RGS17: variants seen among roughly 807,000 people sequenced by gnomAD.
The protein encoded by RGS17 is regulator of G protein signaling 17.
In RGS17, 12 loss-of-function variants were observed where a neutral mutation model predicts 25.5. The ratio of observed to expected loss-of-function variants is 0.47; its 90% CI spans 0.30 to 0.76. RGS17 has a LOEUF of 0.76. RGS17 is among the 30% of genes least tolerant of loss of function. The pLI, the probability that RGS17 is intolerant of heterozygous loss-of-function variation, is 0.07. For synonymous variants in RGS17, 71 were observed against 76.9 expected (o/e 0.92, Z 0.40); for missense variants, 196 against 242.2 (o/e 0.81, Z 1.27).
intron 2 of RGS17, among the ~76,000 whole-genome samples, chr6:153,032,797 ATACTT>A (rs3839481): frequency 0.51 from 77,698 of 151,658 alleles, 20,200 homozygotes; most frequent in East Asian, 0.75. Flanking sequence ...TGATTTGGGA[ATACTT>A]TAGTCTTAAA....
chr6:153,109,339 A>G (rs1422035959), intron 1 of RGS17, among the ~76,000 whole-genome samples: 2 of 152,116 alleles, frequency 1.3e-5, no homozygotes, highest in African/African-American at 4.8e-5. Context: ...TGAGGCAATT[A>G]TTTTTCCTTT....
intron 1 of RGS17, among the ~76,000 whole-genome samples, chr6:153,126,515 C>T (rs2129127760): frequency 6.6e-6 from 1 of 152,214 alleles, no homozygotes; most frequent in East Asian, 1.9e-4. Context: ...TTAATATTAG[C>T]ACTCAAACAA....
intron 1 of RGS17, among the ~76,000 whole-genome samples, chr6:153,083,970 G>T (rs751806738): frequency 2.0e-5 from 3 of 152,150 alleles, no homozygotes; most frequent in Non-Finnish European, 4.4e-5. Context: ...AGGAATATTT[G>T]CAGTATTGAT....
intron 1 of RGS17, among the ~76,000 whole-genome samples, chr6:153,060,310 A>C (rs934393055): frequency 2.6e-5 from 4 of 152,250 alleles, no homozygotes; most frequent in Middle Eastern, 3.4e-3. Flanking sequence ...AGTTGTATTT[A>C]TGTACAAGCT....
At position 153,065,970 on chromosome 6, in the gene RGS17, A is replaced by T. The variant is rs948120817; in HGVS notation, c.-25-21927T>A. Among the ~76,000 whole-genome samples the T allele has an allele frequency of 1.1e-4, 16 of 152,102 alleles. 1 individual carries two copies. The highest frequency in any genetic ancestry group is 9.8e-4 in the Admixed American group (15 of 15,284). The stretch of plus-strand genomic sequence containing the variant: ...ATGAATTTGAAATGAGGAAAACAAT[A>T]AAAAAAGATCACTGAAACAAAAATT... On this transcript the variant is annotated intron_variant, in intron 1 of 4. Transcript: ENST00000206262.
intron 1 of RGS17, among the ~76,000 whole-genome samples, chr6:153,123,057 T>C (rs1584168841): frequency 7.5e-6 from 1 of 133,372 alleles, no homozygotes; most frequent in Non-Finnish European, 1.6e-5. Flanking sequence ...AATTGGAGTA[T>C]TTAATACTCC....
intron 2 of RGS17, among the ~76,000 whole-genome samples, chr6:153,040,851 A>G (rs1776312852): frequency 6.6e-6 from 1 of 152,098 alleles, no homozygotes; most frequent in Non-Finnish European, 1.5e-5. Flanking sequence ...TTTAACTTTT[A>G]TCCTTTTAAA....
chr6:153,012,415 T>C (rs503366), intron 4 of RGS17, among the ~76,000 whole-genome samples: 72,432 of 151,960 alleles, frequency 0.48, 17,369 homozygotes, highest in Middle Eastern at 0.52. Flanking sequence ...AGAGGAGAAA[T>C]AGGAATAGGA....
intron 1 of RGS17, among the ~76,000 whole-genome samples, chr6:153,092,064 T>G (rs1221316011): frequency 6.6e-6 from 1 of 152,200 alleles, no homozygotes; most frequent in Non-Finnish European, 1.5e-5. Flanking sequence ...TTTACCACTA[T>G]ATTTATTACT....
chr6:153,076,980 GAAA>G (rs199847483), intron 1 of RGS17, among the ~76,000 whole-genome samples: 1 of 151,818 alleles, frequency 6.6e-6, no homozygotes. Flanking sequence ...AGTTATAAGG[GAAA>G]AAAATGTACT....
chr6:153,060,747 CTAA>C (rs1776624045), intron 1 of RGS17, among the ~76,000 whole-genome samples: 1 of 151,366 alleles, frequency 6.6e-6, no homozygotes, highest in African/African-American at 2.4e-5. Flanking sequence ...TCGGTGCCTA[CTAA>C]TGTTTGTGTA....
intron 2 of RGS17, among the ~76,000 whole-genome samples, chr6:153,037,856 C>A (rs1776270608): frequency 6.6e-6 from 1 of 151,942 alleles, no homozygotes; most frequent in Non-Finnish European, 1.5e-5. Context: ...AAGGTATTAA[C>A]CTAAAAAACA....
chr6:153,039,292 A>G (rs1776291661), intron 2 of RGS17, among the ~76,000 whole-genome samples: 1 of 152,134 alleles, frequency 6.6e-6, no homozygotes, highest in African/African-American at 2.4e-5. Context: ...TAGACACAAC[A>G]TTTTCCAAAC....
At chr6:153,071,217 CATAGAT>C (rs536315246) in intron 1 of RGS17, among the ~76,000 whole-genome samples, 180 of 150,686 alleles carry the variant, frequency 1.2e-3, no homozygotes, top group African/African-American at 3.9e-3. Flanking sequence ...AGTCTATAGA[CATAGAT>C]ATAAACACAC....
At chr6:153,045,394 G>T (rs1377034746) in intron 1 of RGS17, among the ~76,000 whole-genome samples, 7 of 152,168 alleles carry the variant, frequency 4.6e-5, no homozygotes, top group Admixed American at 3.3e-4. Context: ...CTACTATTCA[G>T]TAATGCCTAG....
At chr6:153,086,185 A>C (rs1319126434) in intron 1 of RGS17, among the ~76,000 whole-genome samples, 1 of 152,220 alleles carries the variant, frequency 6.6e-6, no homozygotes. Flanking sequence ...AAATACTAAA[A>C]AAACACAGAA....
At chr6:153,021,437 G>A (rs927570816) in intron 4 of RGS17, among the ~76,000 whole-genome samples, 3 of 152,156 alleles carry the variant, frequency 2.0e-5, no homozygotes, top group Admixed American at 1.3e-4. Flanking sequence ...CGGAATAGCC[G>A]GAAAGTGCAT....
chr6:153,039,629 A>C (rs1740336152), intron 2 of RGS17, among the ~76,000 whole-genome samples: 2 of 152,240 alleles, frequency 1.3e-5, no homozygotes, highest in African/African-American at 4.8e-5. Context: ...TATGTGAAAA[A>C]GTAGCATGGG....
At chr6:153,056,682 T>C (rs976528539) in intron 1 of RGS17, among the ~76,000 whole-genome samples, 20 of 152,166 alleles carry the variant, frequency 1.3e-4, no homozygotes, top group Admixed American at 9.2e-4. Context: ...GTCTTCAAAA[T>C]ACAGCTGGGA....
Sources: gnomAD v4.1 joint callset for allele counts (sites outside exome capture counted in the v4.1 genomes callset) on GRCh38, gnomAD v4.1.1 for gene constraint, MANE v1.5 for transcripts, NCBI Gene and HGNC (gene_info 2026-07-23, HGNC 2026-07-21) for gene names.